The following PHIP variants were observed in gnomAD, a reference collection of about 807,000 sequenced individuals.
The protein encoded by PHIP is PHIP subunit of CUL4-Ring ligase complex, also known as PH-interacting protein.
Under a neutral mutation model 236.8 loss-of-function variants are expected in PHIP, and 54 were observed. The ratio of observed to expected loss-of-function variants is 0.23; its 90% CI spans 0.18 to 0.29. The LOEUF (loss-of-function observed/expected upper bound fraction) is 0.29, where lower values mean the gene tolerates loss of function less well. Ranked by LOEUF, PHIP falls within the 10% of genes least tolerant of loss-of-function variation. PHIP has a pLI of 1.00. For synonymous variants in PHIP, 756 were observed against 718.9 expected, an observed-to-expected ratio of 1.05 and a Z score of -0.83; for missense variants, 1,370 against 2,190.8, an observed-to-expected ratio of 0.63 and a Z score of 7.48.
In PHIP at chr6:79,060,750, A is replaced by T; in HGVS notation, c.258T>A (p.Leu86=). The change falls in exon 5 of 40, where the codon CTT becomes CTA. Residue 86 remains leucine (L), a synonymous_variant. Coordinates refer to ENST00000275034, the MANE Select transcript of PHIP (RefSeq NM_017934.7). ...LQICHRLGPL[L]EQEIPQSVPG... is the part of the protein sequence containing the mutation. ...GAACACTTTGAGGAATTTCTTGTTC[A>T]AGAAGAGGTCCTAGTCGATGACATA... is the stretch of plus-strand genomic sequence containing the variant. 6.2e-7 allele frequency: 1 copy of T among 1,613,094 alleles called. No individual in the cohort carries two copies.
chr6:79,030,714 A>C (rs190925619), intron 7 of PHIP, among the ~76,000 whole-genome samples: 2 of 152,336 alleles, frequency 1.3e-5, no homozygotes, highest in African/African-American at 4.8e-5. Context: ...AGTTTATACC[A>C]TAGTAGTCAA....
intron 7 of PHIP, among the ~76,000 whole-genome samples, chr6:79,031,872 T>A (rs1771686441): frequency 6.6e-6 from 1 of 152,202 alleles, no homozygotes; most frequent in African/African-American, 2.4e-5. Flanking sequence ...ATTTTGTAAA[T>A]CCCTTTAAAA....
At chr6:79,076,107 G>A (rs540677092) in intron 4 of PHIP, among the ~76,000 whole-genome samples, 1 of 152,136 alleles carries the variant, frequency 6.6e-6, no homozygotes, top group Non-Finnish European at 1.5e-5. Flanking sequence ...TCCATTAGAT[G>A]TATTAAACCT....
intron 7 of PHIP, among the ~76,000 whole-genome samples, chr6:79,040,811 C>G (rs1389703180): frequency 6.6e-6 from 1 of 152,012 alleles, no homozygotes; most frequent in South Asian, 2.1e-4. Flanking sequence ...ATCTGTAACT[C>G]CAAACCACCA....
chr6:78,977,456 C>T (rs1768180864), intron 24 of PHIP, among the ~76,000 whole-genome samples: 2 of 152,088 alleles, frequency 1.3e-5, no homozygotes, highest in South Asian at 4.1e-4. Flanking sequence ...AGCACACCAG[C>T]ATGGCACATG....
In PHIP at chr6:78,947,988, A is replaced by T. The variant is rs937172775; in HGVS notation, c.4054-213T>A. ...TACTGCAATCAACAATAATTTTCTT[A>T]TTCAAGAACACAGAAGTTATTAATT... On this transcript the variant is annotated intron_variant, in intron 35 of 39. Coordinates refer to ENST00000275034, the MANE Select transcript of PHIP (RefSeq NM_017934.7). Among the ~76,000 whole-genome samples, 8 of 151,870 alleles carry T rather than the reference A, an allele frequency of 5.3e-5. No individual in the cohort carries two copies. In the South Asian group the frequency reaches 1.1e-3, roughly 20 times the overall value.
At chr6:79,029,767 T>G (rs1771579600) in intron 7 of PHIP, among the ~76,000 whole-genome samples, 2 of 152,196 alleles carry the variant, frequency 1.3e-5, no homozygotes, top group South Asian at 4.1e-4. Context: ...TGGCCTCAAG[T>G]AATCCACCCA....
chr6:78,954,897 G>C lies in PHIP; in HGVS notation c.3970C>G (p.Gln1324Glu). 1 of 1,585,174 alleles carries C rather than the reference G, an allele frequency of 6.3e-7. No individual in the cohort carries two copies. The highest frequency in any genetic ancestry group is 1.1e-5 in the South Asian group (1 of 87,110). ...QSYDIQAWKK[Q>E]CEELLNLIFQ... is the part of the protein sequence containing the mutation. ...ATGAGATTTAACAATTCTTCACACT[G>C]TTTCTTCCATGCTTGAATATCGTAA... The change falls in exon 35 of 40, where the codon CAG (glutamine) becomes GAG (glutamate). Residue 1324 changes from glutamine (Q) to glutamate (E), a missense_variant. This residue lies in a region of PHIP where 125 missense variants were observed against 235.1 expected (regional missense o/e 0.53). Transcript: ENST00000275034.
intron 7 of PHIP, among the ~76,000 whole-genome samples, chr6:79,040,637 T>C (rs954546055): frequency 2.0e-5 from 3 of 152,010 alleles, no homozygotes; most frequent in Admixed American, 6.6e-5. Flanking sequence ...CCTAGTGAAA[T>C]GCAAAAAACA....
chr6:78,943,151 C>T (rs1773587278), intron 39 of PHIP, among the ~76,000 whole-genome samples: 2 of 152,036 alleles, frequency 1.3e-5, no homozygotes, highest in African/African-American at 4.8e-5. Context: ...CCTGTTTTTA[C>T]TGAACATGGT....
chr6:79,034,946 T>A (rs1771855638), intron 7 of PHIP, among the ~76,000 whole-genome samples: 1 of 152,144 alleles, frequency 6.6e-6, no homozygotes. Flanking sequence ...GTCCAAACAC[T>A]GAAACTCCCT....
At chr6:78,941,438 C>A in intron 39 of PHIP, 108 bp from the exon 40 acceptor site, 2 of 618,022 alleles carry the variant, frequency 3.2e-6, no homozygotes, top group Non-Finnish European at 2.7e-6. Flanking sequence ...TGACATAATC[C>A]AAATTATTTT....
intron 24 of PHIP, among the ~76,000 whole-genome samples, chr6:78,974,716 A>C (rs1767912815): frequency 6.6e-6 from 1 of 152,198 alleles, no homozygotes; most frequent in Non-Finnish European, 1.5e-5. Flanking sequence ...ACAGAAATAC[A>C]AACTACCATC....
At chr6:78,970,497 C>A (rs2127705558) in intron 25 of PHIP, among the ~76,000 whole-genome samples, 1 of 152,240 alleles carries the variant, frequency 6.6e-6, no homozygotes, top group South Asian at 2.1e-4. Context: ...AAATACGCAT[C>A]AAATTTACGA....
chr6:79,026,395 A>G (rs1409264989), intron 7 of PHIP, among the ~76,000 whole-genome samples: 1 of 152,080 alleles, frequency 6.6e-6, no homozygotes, highest in African/African-American at 2.4e-5. Context: ...ATTAATATTT[A>G]CCTTTGGTTC....
intron 6 of PHIP, among the ~76,000 whole-genome samples, chr6:79,051,436 A>G (rs1331495738): frequency 6.6e-6 from 1 of 152,178 alleles, no homozygotes; most frequent in Non-Finnish European, 1.5e-5. Context: ...TAGTCACCTG[A>G]GCAACATAGC....
intron 4 of PHIP, among the ~76,000 whole-genome samples, chr6:79,075,470 A>G (rs1774103675): frequency 6.6e-6 from 1 of 152,126 alleles, no homozygotes; most frequent in Non-Finnish European, 1.5e-5. Context: ...CATTCAAAAT[A>G]GGTGAATTTT....
chr6:78,946,912 G>C (rs1163736782), intron 36 of PHIP, 38 bp from the exon 37 acceptor site: 2 of 1,358,876 alleles, frequency 1.5e-6, no homozygotes, highest in Non-Finnish European at 2.0e-6. Flanking sequence ...CCATTCCTTG[G>C]AGGAAAATAC....
At chr6:79,030,718 T>C (rs756337018) in intron 7 of PHIP, among the ~76,000 whole-genome samples, 21 of 152,158 alleles carry the variant, frequency 1.4e-4, no homozygotes, top group South Asian at 2.1e-4. Flanking sequence ...TATACCATAG[T>C]AGTCAAAACA....
Sources: gnomAD v4.1 joint callset for allele counts (sites outside exome capture counted in the v4.1 genomes callset) on GRCh38, gnomAD v4.1.1 for gene constraint, gnomAD v4.1.1 regional missense constraint, MANE v1.5 for transcripts, NCBI Gene and HGNC (gene_info 2026-07-23, HGNC 2026-07-21) for gene names.